The following MYO5A variants were observed in gnomAD, a reference collection of about 807,000 sequenced individuals.
The protein encoded by MYO5A is myosin VA.
In MYO5A, 98 loss-of-function variants were observed where a neutral mutation model predicts 249.7. The ratio of observed to expected loss-of-function variants is 0.39; its 90% CI spans 0.33 to 0.46. MYO5A has a LOEUF of 0.46. Among genes scored for constraint, MYO5A ranks in the 20% least tolerant of loss-of-function variants. The pLI is 0.98. For synonymous variants in MYO5A, 778 were observed against 810.6 expected, an observed-to-expected ratio of 0.96 and a Z score of 0.68; for missense variants, 1,696 against 2,308.8, an observed-to-expected ratio of 0.73 and a Z score of 5.44.
chr15:52,522,780 G>A (rs1036020090), intron 1 of MYO5A, among the ~76,000 whole-genome samples: 14 of 150,782 alleles, frequency 9.3e-5, no homozygotes, highest in Admixed American at 2.0e-4. Context: ...CCTCCCCTGA[G>A]GTTACAGTTA....
intron 24 of MYO5A, among the ~76,000 whole-genome samples, chr15:52,362,206 T>C (rs1210126346): frequency 1.3e-5 from 2 of 152,190 alleles, no homozygotes; most frequent in Non-Finnish European, 2.9e-5. Context: ...ATGTATCACA[T>C]AGGTTATGGG....
At chr15:52,468,888 G>T (rs982960112) in intron 1 of MYO5A, among the ~76,000 whole-genome samples, 1 of 151,864 alleles carries the variant, frequency 6.6e-6, no homozygotes, top group Non-Finnish European at 1.5e-5. Context: ...AGGTGGTGAG[G>T]GAACCTTTAA....
At chr15:52,504,276 T>C (rs2077220130) in intron 1 of MYO5A, among the ~76,000 whole-genome samples, 1 of 152,162 alleles carries the variant, frequency 6.6e-6, no homozygotes. Flanking sequence ...ACTTCAATCC[T>C]TGCCTCTGTC....
chr15:52,386,418 A>G (rs2041975218), intron 14 of MYO5A, among the ~76,000 whole-genome samples: 2 of 152,182 alleles, frequency 1.3e-5, no homozygotes. Flanking sequence ...GAATTTTATC[A>G]TTACTTATAA....
chr15:52,470,714 T>A (rs753634746), intron 1 of MYO5A, among the ~76,000 whole-genome samples: 2 of 151,274 alleles, frequency 1.3e-5, no homozygotes, highest in African/African-American at 4.9e-5. Flanking sequence ...AAGGCATCAA[T>A]GGAACCAATT....
intron 1 of MYO5A, among the ~76,000 whole-genome samples, chr15:52,457,406 G>A (rs1372982669): frequency 7.0e-6 from 1 of 143,824 alleles, no homozygotes; most frequent in African/African-American, 2.6e-5. Context: ...AAGTGACAGA[G>A]TGAGACCCTG....
Position 52,400,252 on chromosome 15 carries a change from G to C in MYO5A, c.1054-2786C>G, listed in dbSNP as rs561395831. 1.2e-3 allele frequency among the ~76,000 whole-genome samples: 182 copies of C among 152,036 alleles called. 1 individual carries two copies. Among genetic ancestry groups the C allele is most frequent in the Non-Finnish European group, 2.3e-3 (154 of 68,010 alleles). On this transcript the variant is annotated intron_variant, in intron 9 of 41. Transcript: ENST00000399233. Reference sequence around the variant, plus strand: ...TTTATAATTAACATAATGTAATTAAGTAACACTAACTCCAAACATCCCATT... The same window carrying C: ...TTTATAATTAACATAATGTAATTAACTAACACTAACTCCAAACATCCCATT...
chr15:52,316,453 G>T (rs939573123), intron 40 of MYO5A, among the ~76,000 whole-genome samples: 15 of 151,978 alleles, frequency 9.9e-5, no homozygotes, highest in African/African-American at 3.6e-4. Flanking sequence ...CTTCCTTTAG[G>T]CATCTTACTA....
At chr15:52,371,305 GC>G (rs534363873) in intron 21 of MYO5A, among the ~76,000 whole-genome samples, 5 of 152,082 alleles carry the variant, frequency 3.3e-5, no homozygotes, top group Admixed American at 3.3e-4. Context: ...ATTTACATGT[GC>G]TAAAATATTA....
At chr15:52,370,018 T>C in intron 22 of MYO5A, 151 bp downstream of exon 22, 1 of 1,039,210 alleles carries the variant, frequency 9.6e-7, no homozygotes, top group South Asian at 1.3e-5. Context: ...GAGAAATAAA[T>C]GCTTGGGAAA....
chr15:52,399,879 G>A (rs2042670309), intron 9 of MYO5A, among the ~76,000 whole-genome samples: 1 of 152,014 alleles, frequency 6.6e-6, no homozygotes, highest in Non-Finnish European at 1.5e-5. Flanking sequence ...CCAACGTTTA[G>A]CTCCCACTTA....
Position 52,328,012 on chromosome 15 carries a change from A to C in MYO5A, c.4556-6T>G, listed in dbSNP as rs2038689227. On this transcript the variant is annotated splice_region_variant and splice_polypyrimidine_tract_variant and intron_variant, in intron 35 of 41. Transcript: ENST00000399233. ...TACACCACGTGGCTTCAGTTCTAAAAAAGAAAAAATAATAATTTTATATAA... is the reference window on the plus strand; with the variant it reads ...TACACCACGTGGCTTCAGTTCTAAACAAGAAAAAATAATAATTTTATATAA... The C allele has an allele frequency of 6.2e-7, 1 of 1,609,352 alleles. No homozygotes were observed. The highest frequency in any genetic ancestry group is 8.5e-7 in the Non-Finnish European group (1 of 1,176,324).
rs146646457 is a variant in MYO5A at position 52,450,237 on chromosome 15, G to A, written c.28-16952C>T. Among the ~76,000 whole-genome samples, 67 of 152,088 alleles carry A rather than the reference G, an allele frequency of 4.4e-4. 1 individual carries two copies. The East Asian group carries it at 7.0e-3, about 16-fold the overall frequency. On this transcript the variant is annotated intron_variant, in intron 1 of 41. Transcript: ENST00000399233. ...TTCCTATGTATTGCCTACAATGAGG[G>A]TAATAATACCTACCACATAGGGGTA...
rs888404678 is a variant in MYO5A at position 52,312,362 on chromosome 15, T to A, written c.*1334A>T. ...CTGACAATCCTCTCTAGATAGTGAG[T>A]GAGATTCTTTTTTTTTCCAAGGCAG... On this transcript the variant is annotated 3_prime_UTR_variant, in exon 42 of 42. Coordinates refer to ENST00000399233, the MANE Select transcript of MYO5A (RefSeq NM_001382347.1). 6.6e-6 allele frequency: 1 copy of A among 151,922 alleles called. No individual in the cohort carries two copies. Among genetic ancestry groups the A allele is most frequent in the Non-Finnish European group, 1.5e-5 (1 of 67,988 alleles). The allele number at this position is 151,922 out of a possible 1,614,324, so 9.4% of individuals were successfully genotyped here.
intron 4 of MYO5A, among the ~76,000 whole-genome samples, chr15:52,423,891 T>A (rs2075340130): frequency 6.6e-6 from 1 of 152,226 alleles, no homozygotes; most frequent in African/African-American, 2.4e-5. Context: ...ATAAACCTAA[T>A]ACTATCTGTG....
intron 36 of MYO5A, among the ~76,000 whole-genome samples, chr15:52,326,871 T>C (rs757313921): frequency 4.6e-5 from 7 of 152,220 alleles, no homozygotes; most frequent in Non-Finnish European, 1.0e-4. Context: ...TGATCTTAGC[T>C]CCTCACAGCA....
At chr15:52,481,619 G>A (rs1395163361) in intron 1 of MYO5A, among the ~76,000 whole-genome samples, 1 of 152,172 alleles carries the variant, frequency 6.6e-6, no homozygotes, top group Non-Finnish European at 1.5e-5. Context: ...CTAAAGGAGG[G>A]GGACATGGAT....
At chr15:52,319,011 C>T in intron 39 of MYO5A, 49 bp downstream of exon 39, 2 of 1,606,042 alleles carry the variant, frequency 1.2e-6, no homozygotes, top group Non-Finnish European at 1.7e-6. Context: ...CCCTGGCAGG[C>T]CAGCTGGGCA....
chr15:52,426,021 C>A, intron 3 of MYO5A, 47 bp from the exon 4 acceptor site: 1 of 1,534,558 alleles, frequency 6.5e-7, no homozygotes. Context: ...TCAATGATAC[C>A]CTAATGGGCA....
Sources: allele counts gnomAD v4.1 joint callset (sites outside exome capture counted in the v4.1 genomes callset), GRCh38; gene constraint gnomAD v4.1.1; transcripts MANE v1.5; gene names NCBI Gene and HGNC (gene_info 2026-07-23, HGNC 2026-07-21).